TBX15: variants seen among roughly 807,000 people sequenced by gnomAD.
The protein encoded by TBX15 is T-box transcription factor TBX15.
Under a neutral mutation model 53.9 loss-of-function variants are expected in TBX15, and 18 were observed. The observed-to-expected ratio is 0.33, with a 90% CI of 0.23 to 0.49. The LOEUF (loss-of-function observed/expected upper bound fraction) is 0.49, where lower values mean the gene tolerates loss of function less well. Among genes scored for constraint, TBX15 ranks in the 20% least tolerant of loss-of-function variants. The pLI, the probability that TBX15 is intolerant of heterozygous loss-of-function variation, is 0.98. For missense variants in TBX15, 692 were observed against 749.5 expected, an observed-to-expected ratio of 0.92 and a Z score of 0.90; for synonymous variants, 295 against 278.0, an observed-to-expected ratio of 1.06 and a Z score of -0.61.
intron 1 of TBX15, among the ~76,000 whole-genome samples, chr1:118,955,019 T>TGTAA (rs1418486439): frequency 6.6e-6 from 1 of 152,174 alleles, no homozygotes; most frequent in African/African-American, 2.4e-5. Flanking sequence ...GTGTGAAGAA[T>TGTAA]GTAAGCCACC....
intron 1 of TBX15, among the ~76,000 whole-genome samples, chr1:118,956,731 T>C (rs1310250415): frequency 1.1e-4 from 16 of 151,532 alleles, no homozygotes; most frequent in Admixed American, 1.1e-3. Flanking sequence ...AGTGGGAAGA[T>C]CACGAGGTCA....
chr1:118,945,765 C>G (rs1191569607), intron 1 of TBX15, among the ~76,000 whole-genome samples: 2 of 152,196 alleles, frequency 1.3e-5, no homozygotes, highest in Non-Finnish European at 2.9e-5. Flanking sequence ...TTCCAAGCCT[C>G]TATGCATCAC....
chr1:118,908,844 A>G (rs893556922), intron 6 of TBX15, among the ~76,000 whole-genome samples: 1 of 151,620 alleles, frequency 6.6e-6, no homozygotes, highest in Non-Finnish European at 1.5e-5. Flanking sequence ...ATGAATACTT[A>G]CAATATTTAT....
In TBX15 at chr1:118,893,579, A is replaced by G. The variant is rs9662625; in HGVS notation, c.1024+5449T>C. Among the ~76,000 whole-genome samples the G allele has an allele frequency of 8.4e-3, 1,136 of 134,580 alleles. 32 individuals carry two copies. Among genetic ancestry groups the G allele is most frequent in the African/African-American group, 0.037 (1,059 of 28,572 alleles). 88.3% of individuals were successfully genotyped at this position (134,580 alleles called of 152,430 possible). ...GAAGGAAAGAAGGAAGGAAGGAAAG[A>G]AAGAAAGGAAGGAAGGAAGGAAAGA... On this transcript the variant is annotated intron_variant, in intron 7 of 7. Coordinates refer to ENST00000369429, the MANE Select transcript of TBX15 (RefSeq NM_001330677.2).
chr1:118,957,266 C>T (rs1348430933), intron 1 of TBX15, among the ~76,000 whole-genome samples: 1 of 152,174 alleles, frequency 6.6e-6, no homozygotes, highest in Non-Finnish European at 1.5e-5. Flanking sequence ...TGGTCAGAGT[C>T]GGACCAATCC....
intron 1 of TBX15, among the ~76,000 whole-genome samples, chr1:118,951,882 C>T (rs1033157531): frequency 6.6e-6 from 1 of 152,194 alleles, no homozygotes; most frequent in African/African-American, 2.4e-5. Context: ...CCTGCTCCTG[C>T]CAGTGTTCAA....
At chr1:118,926,322 CAG>C (rs769298425) in intron 3 of TBX15, among the ~76,000 whole-genome samples, 186 bp downstream of exon 3, 6 of 152,216 alleles carry the variant, frequency 3.9e-5, no homozygotes, top group Non-Finnish European at 5.9e-5. Context: ...TCCAGAGACA[CAG>C]GGGGGAATCC....
chr1:118,950,225 G>A (rs1656472685), intron 1 of TBX15, among the ~76,000 whole-genome samples: 1 of 152,206 alleles, frequency 6.6e-6, no homozygotes, highest in Admixed American at 6.5e-5. Context: ...TACTCTTAGG[G>A]TTTAGGCATA....
chr1:118,929,436 A>G (rs180791182), intron 2 of TBX15, among the ~76,000 whole-genome samples: 1 of 152,336 alleles, frequency 6.6e-6, no homozygotes, highest in African/African-American at 2.4e-5. Context: ...AATGAAGAAA[A>G]TTCACAGAAG....
intron 3 of TBX15, among the ~76,000 whole-genome samples, 176 bp downstream of exon 3, chr1:118,926,334 C>T (rs1655593035): frequency 6.6e-6 from 1 of 152,124 alleles, no homozygotes; most frequent in South Asian, 2.1e-4. Context: ...GGGGGGAATC[C>T]CAGGTCAAAG....
At chr1:118,910,540 T>G (rs1654996653) in intron 6 of TBX15, among the ~76,000 whole-genome samples, 1 of 152,200 alleles carries the variant, frequency 6.6e-6, no homozygotes, top group African/African-American at 2.4e-5. Flanking sequence ...AATAATTCTC[T>G]GTATCCTCAT....
intron 1 of TBX15, among the ~76,000 whole-genome samples, chr1:118,959,837 G>A (rs1204984743): frequency 6.6e-6 from 1 of 152,154 alleles, no homozygotes; most frequent in East Asian, 1.9e-4. Flanking sequence ...ACCAGAGTTA[G>A]GAGCCAATTT....
At chr1:118,950,864 G>A (rs529127319) in intron 1 of TBX15, among the ~76,000 whole-genome samples, 2 of 152,168 alleles carry the variant, frequency 1.3e-5, no homozygotes, top group Non-Finnish European at 2.9e-5. Flanking sequence ...GATCAGCTGG[G>A]TCAGTCCAAA....
Position 118,939,209 on chromosome 1 carries a change from C to A in TBX15, c.206-7377G>T, listed in dbSNP as rs575500298. ...ATCGCTTGAGCCCAGGAGTTTGAGA[C>A]CAGCCTGGGCAACATGGCAAAGCCC... On this transcript the variant is annotated intron_variant, in intron 1 of 7. Coordinates refer to ENST00000369429, the MANE Select transcript of TBX15 (RefSeq NM_001330677.2). Among the ~76,000 whole-genome samples, 26 of 151,692 alleles carry A rather than the reference C, an allele frequency of 1.7e-4. No homozygotes were observed. In the South Asian group the frequency reaches 5.0e-3, roughly 29 times the overall value.
intron 7 of TBX15, among the ~76,000 whole-genome samples, chr1:118,892,474 A>T (rs140540582): frequency 6.6e-6 from 1 of 152,322 alleles, no homozygotes; most frequent in Admixed American, 6.5e-5. Flanking sequence ...AGAAGATAAA[A>T]GAGGAGTGTC....
Position 118,885,003 on chromosome 1 carries a change from T to C in TBX15, c.1538A>G (p.Asn513Ser), listed in dbSNP as rs200180696. Residue 513 changes from asparagine (N) to serine (S), a missense_variant, in exon 8 of 8, where the codon AAC becomes AGC. Physicochemically the swap from Asn to Ser is conservative, Grantham distance 46. Transcript: ENST00000369429. The part of the protein sequence containing the change: ...QSSYNAFSLH[N>S]PYNLYGYNFP... ...ATTGTATCCATACAGGTTGTAAGGGTTGTGAAGGGAGAAGGCATTGTAGGA... is the reference window on the plus strand; with the variant it reads ...ATTGTATCCATACAGGTTGTAAGGGCTGTGAAGGGAGAAGGCATTGTAGGA... 19 of 1,613,804 alleles carry C rather than the reference T, an allele frequency of 1.2e-5. No individual in the cohort carries two copies. The highest frequency in any genetic ancestry group is 3.3e-4 in the Middle Eastern group (2 of 6,062).
chr1:118,971,631 A>G (rs1232861942), intron 1 of TBX15, among the ~76,000 whole-genome samples: 3 of 152,234 alleles, frequency 2.0e-5, no homozygotes, highest in Admixed American at 2.0e-4. Flanking sequence ...ATTAATTTTT[A>G]AAGGCTTCTA....
intron 5 of TBX15, 81 bp downstream of exon 5, chr1:118,923,355 A>C (rs1019840114): frequency 2.6e-6 from 4 of 1,566,168 alleles, no homozygotes; most frequent in Admixed American, 3.5e-5. Context: ...ATTCCCCTGA[A>C]AGTAAATAAT....
chr1:118,954,397 A>G (rs968336731), intron 1 of TBX15, among the ~76,000 whole-genome samples: 3 of 152,224 alleles, frequency 2.0e-5, no homozygotes, highest in Admixed American at 6.5e-5. Flanking sequence ...TCTCAGGAAA[A>G]GAGTCATCAT....
Sources: gnomAD v4.1 joint callset for allele counts (sites outside exome capture counted in the v4.1 genomes callset) on GRCh38, gnomAD v4.1.1 for gene constraint, MANE v1.5 for transcripts, NCBI Gene and HGNC (gene_info 2026-07-23, HGNC 2026-07-21) for gene names.